The following TSPEAR variants were observed in gnomAD, a reference collection of about 807,000 sequenced individuals.
The protein encoded by TSPEAR is thrombospondin type laminin G domain and EAR repeats.
TSPEAR carries 69 observed loss-of-function variants against 71.6 expected under a neutral mutation model. That is an observed-to-expected ratio of 0.96 (90% CI 0.79 to 1.18). TSPEAR has a LOEUF of 1.18. TSPEAR is among the 50% of genes most tolerant of loss of function. The pLI is 0.00. For synonymous variants in TSPEAR, 402 were observed against 387.2 expected (o/e 1.04, Z -0.45); for missense variants, 971 against 894.9 (o/e 1.09, Z -1.09).
chr21:44,521,586 TGGA>T (rs587713340), intron 9 of TSPEAR, among the ~76,000 whole-genome samples: 234 of 152,324 alleles, frequency 1.5e-3, no homozygotes, highest in Admixed American at 3.4e-3. Flanking sequence ...GGCTGCTTTA[TGGA>T]GAACACCATG....
At chr21:44,588,701 T>TTTATATATCTATAC (rs139256853) in intron 1 of TSPEAR, among the ~76,000 whole-genome samples, 1 of 143,028 alleles carries the variant, frequency 7.0e-6, no homozygotes, top group Admixed American at 7.1e-5. Context: ...TATATATTTA[T>TTTATATATCTATAC]ATATATAAAC....
At chr21:44,571,158 T>C (rs1360615377) in intron 1 of TSPEAR, among the ~76,000 whole-genome samples, 2 of 152,188 alleles carry the variant, frequency 1.3e-5, no homozygotes, top group Non-Finnish European at 2.9e-5. Flanking sequence ...AAGAGAAAAC[T>C]ACAGACCAAC....
At chr21:44,558,764 T>TGGGAGTGAGTGA in intron 2 of TSPEAR, 2 of 1,558,896 alleles carry the variant, frequency 1.3e-6, no homozygotes. Flanking sequence ...TGAGTGAGTG[T>TGGGAGTGAGTGA]GGGAGTGAGT....
intron 9 of TSPEAR, 39 bp downstream of exon 9, chr21:44,521,844 C>T: frequency 6.3e-7 from 1 of 1,583,600 alleles, no homozygotes; most frequent in Non-Finnish European, 8.7e-7. Flanking sequence ...GACGCAGTGG[C>T]CAGCAATGGA....
intron 8 of TSPEAR, 30 bp from the exon 9 acceptor site, chr21:44,522,142 G>A (rs1436172441): frequency 3.1e-6 from 5 of 1,601,600 alleles, no homozygotes; most frequent in Non-Finnish European, 4.3e-6. Flanking sequence ...CTGGGGGCAG[G>A]GAGGCAGATT....
At chr21:44,618,634 T>C (rs1555932976) in intron 1 of TSPEAR, among the ~76,000 whole-genome samples, 1 of 151,918 alleles carries the variant, frequency 6.6e-6, no homozygotes, top group East Asian at 1.9e-4. Context: ...GCAGCCGGAG[T>C]TCCTGGTGTG....
chr21:44,637,794 G>C (rs4818948), intron 1 of TSPEAR: 412,966 of 1,608,598 alleles, frequency 0.26, 55,580 homozygotes, highest in African/African-American at 0.44. Flanking sequence ...TCCCCTTCAT[G>C]CTGCCAGCAG....
At chr21:44,507,747 T>C (rs587708228) in intron 10 of TSPEAR, among the ~76,000 whole-genome samples, 1 of 152,378 alleles carries the variant, frequency 6.6e-6, no homozygotes, top group Admixed American at 6.5e-5. Context: ...ATTCTAAATG[T>C]TGTTCTAAAA....
chr21:44,607,078 TC>T (rs2146164815), intron 1 of TSPEAR, among the ~76,000 whole-genome samples: 1 of 152,318 alleles, frequency 6.6e-6, no homozygotes, highest in South Asian at 2.1e-4. Flanking sequence ...CTTGATTTCA[TC>T]TTTTTTGTTT....
intron 1 of TSPEAR, among the ~76,000 whole-genome samples, chr21:44,635,877 G>A (rs73907088): frequency 0.034 from 5,128 of 152,248 alleles, 310 homozygotes; most frequent in African/African-American, 0.12. Flanking sequence ...GCTCTGCAAT[G>A]CTGGATATTA....
chr21:44,565,916 T>G (rs1555921689), intron 2 of TSPEAR, among the ~76,000 whole-genome samples: 1 of 152,164 alleles, frequency 6.6e-6, no homozygotes, highest in Non-Finnish European at 1.5e-5. Flanking sequence ...CACACAGAAA[T>G]CAATGGTATT....
At chr21:44,703,387 A>G (rs1555951822) in intron 1 of TSPEAR, among the ~76,000 whole-genome samples, 1 of 152,190 alleles carries the variant, frequency 6.6e-6, no homozygotes, top group East Asian at 1.9e-4. Context: ...CTCTGATGGC[A>G]CATCTGGCCA....
chr21:44,629,377 ACT>A (rs1326302918), intron 1 of TSPEAR, among the ~76,000 whole-genome samples: 1 of 151,192 alleles, frequency 6.6e-6, no homozygotes, highest in Non-Finnish European at 1.5e-5. Flanking sequence ...GTTCCCGAAG[ACT>A]CTCTCTTGGG....
intron 2 of TSPEAR, among the ~76,000 whole-genome samples, chr21:44,555,656 C>T (rs587630013): frequency 2.8e-4 from 42 of 152,102 alleles, no homozygotes; most frequent in South Asian, 1.0e-3. Flanking sequence ...TCCCCCACCC[C>T]GGCCACACAC....
At position 44,504,791 on chromosome 21, in the gene TSPEAR, A is replaced by G; in HGVS notation, c.1845T>C (p.Ser615=). 6.2e-7 allele frequency: 1 copy of G among 1,612,814 alleles called. No homozygotes were observed. Among genetic ancestry groups the G allele is most frequent in the Non-Finnish European group, 8.5e-7 (1 of 1,179,176 alleles). The change falls in exon 11 of 12, where the codon AGT becomes AGC. Residue 615 remains serine, a synonymous_variant. Coordinates refer to ENST00000323084, the MANE Select transcript of TSPEAR (RefSeq NM_144991.3). The stretch of plus-strand genomic sequence containing the variant: ...CGGCAGCTCATTACCTGTAAATAAT[A>G]CTGTTCACCGAGAAGGTACGCCCAT... ...SFDGRTFSVN[S]IIYRWQGYEG...
chr21:44,592,476 C>T (rs587752280), intron 1 of TSPEAR: 209 of 1,609,718 alleles, frequency 1.3e-4, no homozygotes, highest in Admixed American at 8.0e-4. Context: ...ACATGGTGGA[C>T]GCGGCCATGC....
chr21:44,524,910 G>C (rs2052818304), intron 8 of TSPEAR, among the ~76,000 whole-genome samples: 1 of 152,016 alleles, frequency 6.6e-6, no homozygotes, highest in South Asian at 2.1e-4. Context: ...CAGTCAGTCA[G>C]ATAGTCAGGT....
chr21:44,510,546 C>T (rs1414521693), intron 9 of TSPEAR: 1 of 152,302 alleles, frequency 6.6e-6, no homozygotes, highest in Non-Finnish European at 1.5e-5. Flanking sequence ...ATGCTCAGGA[C>T]GGGGCTGCCC....
chr21:44,526,493 C>CA (rs74818663), intron 7 of TSPEAR, among the ~76,000 whole-genome samples: 6,561 of 138,310 alleles, frequency 0.047, 244 homozygotes, highest in African/African-American at 0.11. Flanking sequence ...TGTCATCAAT[C>CA]AAAAAAAAAA....
Sources: allele counts gnomAD v4.1 joint callset (sites outside exome capture counted in the v4.1 genomes callset), GRCh38; gene constraint gnomAD v4.1.1; transcripts MANE v1.5; gene names NCBI Gene and HGNC (gene_info 2026-07-23, HGNC 2026-07-21).